Variants in ZNF385D observed in about 807,000 individuals in gnomAD.
The protein encoded by ZNF385D is zinc finger protein 385D.
Under a neutral mutation model 35.8 loss-of-function variants are expected in ZNF385D, and 15 were observed. The observed-to-expected ratio is 0.42, with a 90% CI of 0.28 to 0.64. The LOEUF (loss-of-function observed/expected upper bound fraction) is 0.64. Among genes scored for constraint, ZNF385D ranks in the 30% least tolerant of loss-of-function variants. ZNF385D has a pLI of 0.23. For synonymous variants in ZNF385D, 212 were observed against 186.8 expected (o/e 1.13, Z -1.10); for missense variants, 474 against 494.6 (o/e 0.96, Z 0.39).
chr3:22,294,073 G>C (rs1312776229), intron 2 of ZNF385D, among the ~76,000 whole-genome samples: 1 of 151,960 alleles, frequency 6.6e-6, no homozygotes, highest in Non-Finnish European at 1.5e-5. Context: ...AGAGTATTTG[G>C]AGGAGGAGGA....
At chr3:22,000,518 G>A (rs542114999) in intron 3 of ZNF385D, among the ~76,000 whole-genome samples, 2 of 152,022 alleles carry the variant, frequency 1.3e-5, no homozygotes, top group East Asian at 1.9e-4. Flanking sequence ...CATAAAAATG[G>A]GCAACCAACA....
intron 3 of ZNF385D, among the ~76,000 whole-genome samples, chr3:21,556,570 C>T (rs1171630181): frequency 4.6e-5 from 7 of 152,070 alleles, no homozygotes; most frequent in African/African-American, 1.7e-4. Context: ...CTGTTCTCTT[C>T]CATTGATCTA....
At chr3:21,435,752 A>G (rs1701521057) in intron 5 of ZNF385D, among the ~76,000 whole-genome samples, 1 of 152,226 alleles carries the variant, frequency 6.6e-6, no homozygotes, top group Non-Finnish European at 1.5e-5. Flanking sequence ...ATGTATTTGC[A>G]TGAATAAACA....
chr3:22,237,681 T>C (rs982247851), intron 2 of ZNF385D, among the ~76,000 whole-genome samples: 2 of 152,178 alleles, frequency 1.3e-5, no homozygotes, highest in African/African-American at 4.8e-5. Context: ...TCTCGCTCTG[T>C]CACCCAGGCT....
At chr3:22,321,044 TCCTAATTTTTACAATTGTTTCAGAAA>T (rs1694391308) in intron 2 of ZNF385D, among the ~76,000 whole-genome samples, 1 of 151,864 alleles carries the variant, frequency 6.6e-6, no homozygotes, top group African/African-American at 2.4e-5. Flanking sequence ...ACATGCAAGC[TCCTAATTTTTACAATTGTTTCAGAAA>T]CTGTACTGTC....
Position 21,417,363 on chromosome 3 carries a change from G to C in ZNF385D, c.*3851C>G, listed in dbSNP as rs1006903858. The C allele has an allele frequency of 2.6e-5, 4 of 152,076 alleles. No individual in the cohort carries two copies. Among genetic ancestry groups the C allele is most frequent in the Non-Finnish European group, 5.9e-5 (4 of 67,994 alleles). The allele number at this position is 152,076 out of a possible 1,614,324, so 9.4% of individuals were successfully genotyped here. ...AGGGACAAAGTCTACAATAGACTCTGGCTACTCTAAGGCTCCTCATTGCTT... is the reference window on the plus strand; with the variant it reads ...AGGGACAAAGTCTACAATAGACTCTCGCTACTCTAAGGCTCCTCATTGCTT... On this transcript the variant is annotated 3_prime_UTR_variant, in exon 8 of 8. Coordinates refer to ENST00000281523, the MANE Select transcript of ZNF385D (RefSeq NM_024697.3).
chr3:21,872,343 T>A (rs1158885261), intron 3 of ZNF385D, among the ~76,000 whole-genome samples: 1 of 152,178 alleles, frequency 6.6e-6, no homozygotes, highest in African/African-American at 2.4e-5. Flanking sequence ...GACTTTGAGG[T>A]CAAGAACCAT....
intron 3 of ZNF385D, among the ~76,000 whole-genome samples, chr3:21,550,986 T>A (rs986775489): frequency 1.3e-5 from 2 of 152,218 alleles, no homozygotes; most frequent in East Asian, 3.9e-4. Context: ...TTTATTATAG[T>A]TCAATAATAT....
chr3:22,136,254 G>T (rs1704096377), intron 3 of ZNF385D, among the ~76,000 whole-genome samples: 1 of 152,204 alleles, frequency 6.6e-6, no homozygotes, highest in Admixed American at 6.5e-5. Flanking sequence ...TGGGCATCAT[G>T]GCATAGGCCT....
chr3:21,871,237 T>C (rs955444157), intron 3 of ZNF385D, among the ~76,000 whole-genome samples: 2 of 152,132 alleles, frequency 1.3e-5, no homozygotes, highest in Non-Finnish European at 2.9e-5. Flanking sequence ...CCCCACTGTA[T>C]TTCCCTCACT....
intron 3 of ZNF385D, chr3:21,961,508 G>A (rs1185689891): frequency 6.6e-6 from 1 of 152,080 alleles, no homozygotes; most frequent in Non-Finnish European, 1.5e-5. Context: ...GAAATAAATT[G>A]TAATCATGCA....
intron 3 of ZNF385D, among the ~76,000 whole-genome samples, chr3:22,140,786 G>A (rs1049458525): frequency 6.6e-6 from 1 of 152,154 alleles, no homozygotes; most frequent in Non-Finnish European, 1.5e-5. Context: ...AAATTCTCAA[G>A]GTATGGCCAT....
intron 3 of ZNF385D, among the ~76,000 whole-genome samples, chr3:21,514,487 A>G (rs1338132352): frequency 2.6e-5 from 4 of 152,148 alleles, no homozygotes; most frequent in Non-Finnish European, 5.9e-5. Flanking sequence ...GTTTCCGCAT[A>G]CATAGTAAAC....
At chr3:22,303,007 G>A (rs1423229312) in intron 2 of ZNF385D, among the ~76,000 whole-genome samples, 1 of 152,040 alleles carries the variant, frequency 6.6e-6, no homozygotes, top group African/African-American at 2.4e-5. Flanking sequence ...AAATTTGAAA[G>A]ATGATAGTTC....
intron 3 of ZNF385D, among the ~76,000 whole-genome samples, chr3:21,809,352 G>T (rs1369964424): frequency 6.7e-6 from 1 of 150,120 alleles, no homozygotes; most frequent in African/African-American, 2.4e-5. Flanking sequence ...GCACTCTTGG[G>T]TTTTTAAAAT....
At chr3:21,753,789 T>TTGTTGTTG (rs1553653025), upstream of ZNF385D, among the ~76,000 whole-genome samples, 1 of 124,620 alleles carries the variant, frequency 8.0e-6, no homozygotes, top group African/African-American at 3.4e-5. Flanking sequence ...GTTGTTGTTG[T>TTGTTGTTG]TGTGTGTGTG....
At chr3:22,142,343 G>C (rs1368693340) in intron 3 of ZNF385D, among the ~76,000 whole-genome samples, 1 of 151,850 alleles carries the variant, frequency 6.6e-6, no homozygotes, top group South Asian at 2.1e-4. Flanking sequence ...TATTTCTTTG[G>C]TTTATTCGAT....
chr3:21,892,066 G>A (rs1698897319), intron 3 of ZNF385D, among the ~76,000 whole-genome samples: 1 of 152,092 alleles, frequency 6.6e-6, no homozygotes, highest in African/African-American at 2.4e-5. Context: ...TGTTTCGAGG[G>A]CAACTGAAAC....
intron 3 of ZNF385D, among the ~76,000 whole-genome samples, chr3:21,945,831 T>C (rs975788961): frequency 7.4e-6 from 1 of 134,880 alleles, no homozygotes; most frequent in Non-Finnish European, 1.6e-5. Context: ...TGAACTCATA[T>C]TATGTGTTTA....
Sources: allele counts gnomAD v4.1 joint callset (sites outside exome capture counted in the v4.1 genomes callset), GRCh38; gene constraint gnomAD v4.1.1; transcripts MANE v1.5; gene names NCBI Gene and HGNC (gene_info 2026-07-23, HGNC 2026-07-21).